Variants in DLX4 observed in about 807,000 individuals in gnomAD.
DLX4 encodes the protein distal-less homeobox 4, also known as homeobox protein DLX-4.
Under a neutral mutation model 17.1 loss-of-function variants are expected in DLX4, and 13 were observed. That is an observed-to-expected ratio of 0.76 (90% CI 0.49 to 1.21). DLX4 has a LOEUF of 1.21. Ranked by LOEUF, DLX4 falls within the 50% of genes most tolerant of loss-of-function variation. The pLI, the probability that DLX4 is intolerant of heterozygous loss-of-function variation, is 0.00. For missense variants in DLX4, 297 were observed against 301.4 expected (o/e 0.99, Z 0.11); for synonymous variants, 129 against 140.3 (o/e 0.92, Z 0.57).
chr17:49,972,156 C>T lies in DLX4; in HGVS notation c.284-917C>T, dbSNP rs1905528724. On this transcript the variant is annotated intron_variant, in intron 1 of 2. Transcript: ENST00000240306. This position sits in a 1 kb window ranked among gnomAD's most constrained non-coding sequence, Gnocchi z 5.4. ...TTGGAAGAACAGAAACCCCTCGGCC[C>T]AACCCTCCCCTGTCCCTCAGCATTC... 6.6e-6 allele frequency: 1 copy of T among 152,612 alleles called. No homozygotes were observed. The highest frequency in any genetic ancestry group is 2.1e-4 in the South Asian group (1 of 4,834). The allele number at this position is 152,612 out of a possible 1,614,324, so 9.5% of individuals were successfully genotyped here.
intron 1 of DLX4, among the ~76,000 whole-genome samples, chr17:49,971,789 G>T (rs538193718): frequency 6.6e-6 from 1 of 152,044 alleles, no homozygotes; most frequent in Non-Finnish European, 1.5e-5. Context: ...TCTGGGAATT[G>T]GTTGAGGCAG....
chr17:49,969,448 T>C lies in DLX4; in HGVS notation c.-21T>C, dbSNP rs1416559268. ...GGACTACGTGCCGGGCCATGGCCCT[T>C]CTGCCCGGGCCCTGGCCACAATGAC... is the stretch of plus-strand genomic sequence containing the variant. On this transcript the variant is annotated 5_prime_UTR_variant, in exon 1 of 3. Transcript: ENST00000240306. 1.3e-6 allele frequency: 2 copies of C among 1,515,082 alleles called. No individual in the cohort carries two copies. The highest frequency in any genetic ancestry group is 1.8e-6 in the Non-Finnish European group (2 of 1,137,062). 93.9% of individuals were successfully genotyped at this position (1,515,082 alleles called of 1,614,324 possible). A position where few individuals can be genotyped will look rare whatever the true frequency, so the allele number is the denominator to read the frequency against.
intron 1 of DLX4, among the ~76,000 whole-genome samples, chr17:49,971,799 G>A (rs1002479206): frequency 6.6e-6 from 1 of 152,058 alleles, no homozygotes; most frequent in Non-Finnish European, 1.5e-5. Flanking sequence ...GGTTGAGGCA[G>A]GGTCGAGGAG....
rs1481270461 is a variant in DLX4, at chr17:49,972,554, C to G, written c.284-519C>G. Reference sequence around the variant, plus strand: ...GCGCTGCGAGACTGGTATTCAAGGTCCTCTCAGCCGGGCCTCTCACCCACC... The same window carrying G: ...GCGCTGCGAGACTGGTATTCAAGGTGCTCTCAGCCGGGCCTCTCACCCACC... On this transcript the variant is annotated intron_variant, in intron 1 of 2. Transcript: ENST00000240306. This position sits in a 1 kb window ranked among gnomAD's most constrained non-coding sequence, Gnocchi z 5.4. 1 of 204,162 alleles carries G rather than the reference C, an allele frequency of 4.9e-6. No homozygotes were observed. Among genetic ancestry groups the G allele is most frequent in the Non-Finnish European group, 8.9e-6 (1 of 112,028 alleles). 12.6% of individuals were successfully genotyped at this position (204,162 alleles called of 1,614,324 possible).
At chr17:49,970,302 C>G (rs1905460858) in intron 1 of DLX4, among the ~76,000 whole-genome samples, 1 of 152,230 alleles carries the variant, frequency 6.6e-6, no homozygotes, top group African/African-American at 2.4e-5. Flanking sequence ...TCTCCTCAGA[C>G]CAGGCCTGAC....
chr17:49,969,899 G>A (rs1905443147), intron 1 of DLX4, 148 bp downstream of exon 1: 1 of 199,068 alleles, frequency 5.0e-6, no homozygotes, highest in African/African-American at 2.6e-5. Flanking sequence ...AGGGCGAAGG[G>A]ATGGGGCGGG....
At chr17:49,969,778 C>T in intron 1 of DLX4, 27 bp downstream of exon 1, 1 of 1,558,124 alleles carries the variant, frequency 6.4e-7, no homozygotes, top group South Asian at 1.2e-5. Context: ...AGGCTCTTCC[C>T]ACCTCTGGGG....
intron 1 of DLX4, 91 bp downstream of exon 1, chr17:49,969,842 C>G (rs938080853): frequency 9.5e-7 from 1 of 1,048,400 alleles, no homozygotes; most frequent in Non-Finnish European, 1.2e-6. Context: ...ACGCAGCTAG[C>G]GGGATTCAAA....
intron 1 of DLX4, chr17:49,971,970 C>A (rs1355460732): frequency 6.6e-6 from 1 of 152,244 alleles, no homozygotes. Context: ...GGACAGAAGC[C>A]GCTCTCTCTC....
In DLX4 at chr17:49,969,270, A is replaced by AC. The variant is rs919391930; in HGVS notation, c.-192dup. ...GGGGGAGGGGAAAGTCATGGGGGGC[A>AC]CCCCCCCGGAACCCCTTTCCCAGGC... On this transcript the variant is annotated 5_prime_UTR_variant, in exon 1 of 3. It removes the in-frame stop codon of an upstream open reading frame in the 5' UTR. Transcript: ENST00000240306. 3.2e-5 allele frequency: 15 copies of AC among 469,470 alleles called. No homozygotes were observed. The highest frequency in any genetic ancestry group is 2.3e-4 in the Admixed American group (5 of 21,880). 29.1% of individuals were successfully genotyped at this position (469,470 alleles called of 1,614,324 possible).
At position 49,973,216 on chromosome 17, in the gene DLX4, G is replaced by C; in HGVS notation, c.427G>C (p.Ala143Pro). The change falls in exon 2 of 3, where the codon GCG (alanine) becomes CCG (proline). Residue 143 changes from alanine (A) to proline (P), a missense_variant. Transcript: ENST00000240306. ...NQRFQHTQYL[A>P]LPERAQLAAQ... ...GCGTTTCCAGCACACGCAGTACCTG[G>C]CGCTGCCCGAGAGGGCCCAGCTGGC... 1 of 1,614,130 alleles carries C rather than the reference G, an allele frequency of 6.2e-7. No individual in the cohort carries two copies. The highest frequency in any genetic ancestry group is 1.3e-5 in the African/African-American group (1 of 75,054).
At position 49,974,001 on chromosome 17, in the gene DLX4, G is replaced by A. The variant is rs1905628267; in HGVS notation, c.*58G>A. ...TCCTGCAAAGCCCAGGACCCAGGCA[G>A]TCCACCTGCACCCCTTCTGGGCTGG... On this transcript the variant is annotated 3_prime_UTR_variant, in exon 3 of 3. Coordinates refer to ENST00000240306, the MANE Select transcript of DLX4 (RefSeq NM_138281.3). 1.3e-6 allele frequency: 2 copies of A among 1,516,042 alleles called. No homozygotes were observed. 93.9% of individuals were successfully genotyped at this position (1,516,042 alleles called of 1,614,324 possible).
chr17:49,969,452 C>T lies in DLX4; in HGVS notation c.-17C>T, dbSNP rs1008013697. On this transcript the variant is annotated 5_prime_UTR_variant, in exon 1 of 3. Transcript: ENST00000240306. Reference sequence around the variant, plus strand: ...TACGTGCCGGGCCATGGCCCTTCTGCCCGGGCCCTGGCCACAATGACCTCT... The same window carrying T: ...TACGTGCCGGGCCATGGCCCTTCTGTCCGGGCCCTGGCCACAATGACCTCT... 5 of 1,528,174 alleles carry T rather than the reference C, an allele frequency of 3.3e-6. No individual in the cohort carries two copies. Among genetic ancestry groups the T allele is most frequent in the Non-Finnish European group, 4.4e-6 (5 of 1,142,118 alleles). The allele number at this position is 1,528,174 out of a possible 1,614,324, so 94.7% of individuals were successfully genotyped here.
At chr17:49,970,425 A>T (rs1414911652) in intron 1 of DLX4, among the ~76,000 whole-genome samples, 1 of 152,194 alleles carries the variant, frequency 6.6e-6, no homozygotes, top group African/African-American at 2.4e-5. Flanking sequence ...TGACTACCTC[A>T]GCCTTCCAGC....
rs775704162 is a variant in DLX4 at position 49,973,253 on chromosome 17, G to C, written c.464G>C (p.Gly155Ala). 13 of 1,613,772 alleles carry C rather than the reference G, an allele frequency of 8.1e-6. No individual in the cohort carries two copies. The highest frequency in any genetic ancestry group is 3.4e-6 in the Non-Finnish European group (4 of 1,180,016). Reference sequence around the variant, plus strand: ...AGGGCCCAGCTGGCAGCGCAGCTCGGCCTCACCCAGACCCAGGTGGGGCCA... The same window carrying C: ...AGGGCCCAGCTGGCAGCGCAGCTCGCCCTCACCCAGACCCAGGTGGGGCCA... ...PERAQLAAQL[G>A]LTQTQVKIWF... Residue 155 changes from glycine to alanine, a missense_variant, in exon 2 of 3, where the codon GGC (glycine) becomes GCC (alanine). Transcript: ENST00000240306.
At chr17:49,973,420 G>C (rs1393468560) in intron 2 of DLX4, 151 bp downstream of exon 2, 1 of 1,247,256 alleles carries the variant, frequency 8.0e-7, no homozygotes, top group African/African-American at 1.5e-5. Context: ...CTCTTAGTAA[G>C]CCTTGGGGGG....
In DLX4 at chr17:49,974,073, G is replaced by C; in HGVS notation, c.*130G>C. On this transcript the variant is annotated 3_prime_UTR_variant, in exon 3 of 3. Coordinates refer to ENST00000240306, the MANE Select transcript of DLX4 (RefSeq NM_138281.3). Reference sequence around the variant, plus strand: ...GTTTTCTCTGGAGGACAAGCAGTTAGAGGAGAAAAAGGAATGGAGCAGAGC... The same window carrying C: ...GTTTTCTCTGGAGGACAAGCAGTTACAGGAGAAAAAGGAATGGAGCAGAGC... 2 of 1,292,592 alleles carry C rather than the reference G, an allele frequency of 1.5e-6. No individual in the cohort carries two copies. Among genetic ancestry groups the C allele is most frequent in the Non-Finnish European group, 2.0e-6 (2 of 977,040 alleles). The allele number at this position is 1,292,592 out of a possible 1,614,324, so 80.1% of individuals were successfully genotyped here.
At chr17:49,971,092 T>C (rs954957863) in intron 1 of DLX4, among the ~76,000 whole-genome samples, 6 of 152,154 alleles carry the variant, frequency 3.9e-5, no homozygotes, top group Non-Finnish European at 7.3e-5. Flanking sequence ...TAATAGGATA[T>C]GTTTGTGTGT....
rs1053612276 is a variant in DLX4, at chr17:49,971,313, G to C, written c.283+1562G>C. Among the ~76,000 whole-genome samples the C allele has an allele frequency of 3.9e-5, 6 of 152,312 alleles. No individual in the cohort carries two copies. In the South Asian group the frequency reaches 1.2e-3, roughly 32 times the overall value. On this transcript the variant is annotated intron_variant, in intron 1 of 2. Coordinates refer to ENST00000240306, the MANE Select transcript of DLX4 (RefSeq NM_138281.3). Reference sequence around the variant, plus strand: ...TTTCTAGCATTTCTCTGCTGGAACTGGTGGGTTTGGGCGCTCTAGAGTGGA... The same window carrying C: ...TTTCTAGCATTTCTCTGCTGGAACTCGTGGGTTTGGGCGCTCTAGAGTGGA...
Sources: gnomAD v4.1 joint callset for allele counts (sites outside exome capture counted in the v4.1 genomes callset) on GRCh38, gnomAD v4.1.1 for gene constraint, Gnocchi (gnomAD v3.1) non-coding constraint, MANE v1.5 for transcripts, NCBI Gene and HGNC (gene_info 2026-07-23, HGNC 2026-07-21) for gene names.